HLX: variants seen among roughly 807,000 people sequenced by gnomAD.
HLX encodes the protein H2.0 like homeobox.
In HLX, 6 loss-of-function variants were observed where a neutral mutation model predicts 27.7. The observed-to-expected ratio is 0.22, with a 90% CI of 0.12 to 0.43. The LOEUF (loss-of-function observed/expected upper bound fraction) is 0.43, where lower values mean the gene tolerates loss of function less well. Among genes scored for constraint, HLX ranks in the 20% least tolerant of loss-of-function variants. The probability of loss-of-function intolerance (pLI) is 1.00; values close to 1 mark genes in which losing one functional copy is unlikely to be tolerated. For synonymous variants in HLX, 328 were observed against 293.8 expected, an observed-to-expected ratio of 1.12 and a Z score of -1.19; for missense variants, 666 against 655.2, an observed-to-expected ratio of 1.02 and a Z score of -0.18.
chr1:220,883,140 C>T (rs1022231886), intron 3 of HLX: 1 of 151,678 alleles, frequency 6.6e-6, no homozygotes, highest in Non-Finnish European at 1.5e-5. Context: ...CTTGTGCACC[C>T]CATAGCACTG....
intron 2 of HLX, 132 bp from the exon 3 acceptor site, chr1:220,882,032 G>A: frequency 1.2e-6 from 1 of 826,654 alleles, no homozygotes; most frequent in Non-Finnish European, 2.1e-6. Context: ...AGGGCTTTCT[G>A]AATGAGGGTG....
chr1:220,884,448 C>A lies in HLX; in HGVS notation c.1211C>A (p.Thr404Lys). 1 of 1,614,208 alleles carries A rather than the reference C, an allele frequency of 6.2e-7. No homozygotes were observed. The highest frequency in any genetic ancestry group is 1.1e-5 in the South Asian group (1 of 91,082). ...TEGSERSLHQ[T>K]TVIKAPVTGA... ...GGGAGTGAGCGTTCTCTGCACCAAA[C>A]AACAGTTATTAAGGCCCCGGTCACT... The change falls in exon 4 of 4, where the codon ACA becomes AAA. Residue 404 changes from threonine to lysine, a missense_variant. Coordinates refer to ENST00000366903, the MANE Select transcript of HLX (RefSeq NM_021958.4). This position sits in a 1 kb window ranked among gnomAD's most constrained non-coding sequence, Gnocchi z 4.9.
Position 220,879,890 on chromosome 1 carries a change from C to T in HLX, c.33C>T (p.Ala11=). The change falls in exon 1 of 4, where the codon GCC becomes GCT. Residue 11 remains alanine (A), a synonymous_variant. Coordinates refer to ENST00000366903, the MANE Select transcript of HLX (RefSeq NM_021958.4). ...CAGCCGGGCTGGCTCCCTTCTACGC[C>T]TCCAACTTCAGCCTCTGGTCGGCCG... MFAAGLAPFY[A]SNFSLWSAAY... 3.1e-6 allele frequency: 5 copies of T among 1,592,094 alleles called. No individual in the cohort carries two copies. The highest frequency in any genetic ancestry group is 4.3e-6 in the Non-Finnish European group (5 of 1,175,462).
At chr1:220,880,799 T>A (rs1674410083) in intron 1 of HLX, 1 of 400,294 alleles carries the variant, frequency 2.5e-6, no homozygotes, top group Admixed American at 4.2e-5. Context: ...GGAAACACTT[T>A]CGCACTTATC....
chr1:220,884,123 G>T lies in HLX; in HGVS notation c.958-72G>T. ...TCAGGGAGGTGGCTTGAGGGTGCAC[G>T]CGAGTCGGATAGGAGCAAACCTGGG... On this transcript the variant is annotated intron_variant, in intron 3 of 3. Coordinates refer to ENST00000366903, the MANE Select transcript of HLX (RefSeq NM_021958.4). This position sits in a 1 kb window ranked among gnomAD's most constrained non-coding sequence, Gnocchi z 4.9. The T allele has an allele frequency of 1.3e-6, 2 of 1,508,194 alleles. No individual in the cohort carries two copies. The highest frequency in any genetic ancestry group is 1.7e-5 in the Admixed American group (1 of 58,812). The allele number at this position is 1,508,194 out of a possible 1,614,324, so 93.4% of individuals were successfully genotyped here.
chr1:220,881,002 G>A (rs1674422048), intron 1 of HLX, 192 bp from the exon 2 acceptor site: 1 of 624,416 alleles, frequency 1.6e-6, no homozygotes, highest in Non-Finnish European at 2.9e-6. Flanking sequence ...GGACGTGAGG[G>A]ACACACAGGA....
At chr1:220,883,955 G>T in intron 3 of HLX, 3 of 578,448 alleles carry the variant, frequency 5.2e-6, no homozygotes, top group Non-Finnish European at 9.2e-6. Context: ...GGGCCTGAGG[G>T]TTGCATTTTG....
chr1:220,880,648 C>T (rs1204047326), intron 1 of HLX, 199 bp downstream of exon 1: 2 of 617,496 alleles, frequency 3.2e-6, no homozygotes, highest in Non-Finnish European at 5.7e-6. Flanking sequence ...CAAAAAATGA[C>T]TCCAGGGATT....
rs756448460 is a variant in HLX, at chr1:220,880,267, A to AGCCTCC, written c.420_425dup (p.Pro141_Pro142dup). ...CAGCAGCAACAGCCGCAGCAGCAAC[A>AGCCTCC]GCCTCCGCCTCCGCCCCGGGCTGGC... On this transcript the variant is annotated inframe_insertion, in exon 1 of 4. Coordinates refer to ENST00000366903, the MANE Select transcript of HLX (RefSeq NM_021958.4). The AGCCTCC allele has an allele frequency of 5.6e-6, 9 of 1,613,254 alleles. No homozygotes were observed. The African/African-American group carries it at 8.0e-5, about 14-fold the overall frequency.
In HLX at chr1:220,879,692, C is replaced by A; in HGVS notation, c.-166C>A. Reference sequence around the variant, plus strand: ...GAGATCCGGCCCTCGCCTCCTCCCTCGGTGGCGCTAGGGCTCCCGGCCTCT... The same window carrying A: ...GAGATCCGGCCCTCGCCTCCTCCCTAGGTGGCGCTAGGGCTCCCGGCCTCT... On this transcript the variant is annotated 5_prime_UTR_variant, in exon 1 of 4. Transcript: ENST00000366903. The A allele has an allele frequency of 8.9e-7, 1 of 1,117,440 alleles. No homozygotes were observed. The highest frequency in any genetic ancestry group is 1.2e-6 in the Non-Finnish European group (1 of 834,072). The allele number at this position is 1,117,440 out of a possible 1,614,324, so 69.2% of individuals were successfully genotyped here.
chr1:220,881,954 G>T (rs575410025), intron 2 of HLX: 5 of 655,530 alleles, frequency 7.6e-6, no homozygotes, highest in Non-Finnish European at 1.4e-5. Flanking sequence ...TCCACTCCAC[G>T]CTCGCTTTAG....
rs777885846 is a variant in HLX, at chr1:220,880,184, G to A, written c.327G>A (p.Pro109=). ...CCTCCGAAGTCCCGGCTGGCTTCCC[G>A]CAGCGGCTGTCTCCGCTCTCAGCCG... The part of the protein sequence containing the change: ...VAPSEVPAGF[P]QRLSPLSAAY... Residue 109 remains proline (P), a synonymous_variant, in exon 1 of 4, where the codon CCG becomes CCA. Coordinates refer to ENST00000366903, the MANE Select transcript of HLX (RefSeq NM_021958.4). 1 of 1,611,914 alleles carries A rather than the reference G, an allele frequency of 6.2e-7. No individual in the cohort carries two copies. Among genetic ancestry groups the A allele is most frequent in the Non-Finnish European group, 8.5e-7 (1 of 1,178,944 alleles).
intron 3 of HLX, 106 bp downstream of exon 3, chr1:220,882,454 A>G: frequency 1.0e-6 from 1 of 992,760 alleles, no homozygotes; most frequent in Non-Finnish European, 1.5e-6. Flanking sequence ...CCTGCGGTGC[A>G]AACGCAAGAT....
Position 220,880,189 on chromosome 1 carries a change from G to A in HLX, c.332G>A (p.Arg111Gln), listed in dbSNP as rs757089301. The A allele has an allele frequency of 9.9e-6, 16 of 1,612,020 alleles. No individual in the cohort carries two copies. Among genetic ancestry groups the A allele is most frequent in the Non-Finnish European group, 1.4e-5 (16 of 1,179,024 alleles). Residue 111 changes from arginine to glutamine, a missense_variant, in exon 1 of 4, where the codon CGG becomes CAG. Coordinates refer to ENST00000366903, the MANE Select transcript of HLX (RefSeq NM_021958.4). ...PSEVPAGFPQ[R>Q]LSPLSAAYHH... ...GAAGTCCCGGCTGGCTTCCCGCAGC[G>A]GCTGTCTCCGCTCTCAGCCGCCTAC...
intron 1 of HLX, 145 bp downstream of exon 1, chr1:220,880,594 A>G: frequency 4.6e-6 from 4 of 866,046 alleles, no homozygotes; most frequent in Middle Eastern, 3.3e-4. Flanking sequence ...TAAGAAAACT[A>G]CAAAACATTA....
Position 220,879,818 on chromosome 1 carries a change from C to T in HLX, c.-40C>T. The T allele has an allele frequency of 6.5e-7, 1 of 1,533,810 alleles. No homozygotes were observed. The highest frequency in any genetic ancestry group is 1.4e-5 in the African/African-American group (1 of 72,216). ...CTCCCCGCGCGCCCACCCACCCAGTCCGGCTGGACTGCGGCAGCCGCGCGG... is the reference window on the plus strand; with the variant it reads ...CTCCCCGCGCGCCCACCCACCCAGTTCGGCTGGACTGCGGCAGCCGCGCGG... On this transcript the variant is annotated 5_prime_UTR_variant, in exon 1 of 4. Coordinates refer to ENST00000366903, the MANE Select transcript of HLX (RefSeq NM_021958.4).
chr1:220,884,547 G>A lies in HLX; in HGVS notation c.1310G>A (p.Ser437Asn), dbSNP rs1184881834. 1 of 1,608,520 alleles carries A rather than the reference G, an allele frequency of 6.2e-7. No individual in the cohort carries two copies. The highest frequency in any genetic ancestry group is 8.5e-7 in the Non-Finnish European group (1 of 1,177,634). Reference protein sequence around the residue: ...SGGGGNSFSFSSASSLSSSST... With the variant: ...SGGGGNSFSFNSASSLSSSST... ...GGCGGCGGCAATAGTTTCAGCTTCA[G>A]CAGCGCCAGCAGTCTTAGTAGCAGC... The change falls in exon 4 of 4, where the codon AGC becomes AAC. Residue 437 changes from serine (S) to asparagine (N), a missense_variant. Ser to Asn is a conservative substitution (Grantham distance 46). Transcript: ENST00000366903. The surrounding 1 kb of genome is among the most constrained non-coding windows in gnomAD (Gnocchi z 4.9).
chr1:220,880,627 T>C, intron 1 of HLX, 178 bp downstream of exon 1: 1 of 660,196 alleles, frequency 1.5e-6, no homozygotes, highest in East Asian at 2.7e-5. Context: ...ACCTGTTCTA[T>C]GTAAAACAAA....
Position 220,880,267 on chromosome 1 carries a change from AGCCTCC to A in HLX, c.420_425del (p.Pro141_Pro142del). 6.2e-7 allele frequency: 1 copy of A among 1,613,372 alleles called. No individual in the cohort carries two copies. The highest frequency in any genetic ancestry group is 8.5e-7 in the Non-Finnish European group (1 of 1,179,558). On this transcript the variant is annotated inframe_deletion, in exon 1 of 4. Transcript: ENST00000366903. ...CAGCAGCAACAGCCGCAGCAGCAAC[AGCCTCC>A]GCCTCCGCCCCGGGCTGGCGCCCTG...
Sources: allele counts gnomAD v4.1 joint callset, GRCh38; gene constraint gnomAD v4.1.1; non-coding constraint Gnocchi (gnomAD v3.1); transcripts MANE v1.5; gene names NCBI Gene and HGNC (gene_info 2026-07-23, HGNC 2026-07-21).